TEX9: variants seen among roughly 807,000 people sequenced by gnomAD.
TEX9 encodes the protein testis-expressed protein 9.
In TEX9, 74 loss-of-function variants were observed where a neutral mutation model predicts 59.6. The ratio of observed to expected loss-of-function variants is 1.24; its 90% CI spans 1.03 to 1.51. The LOEUF (loss-of-function observed/expected upper bound fraction) is 1.51. Ranked by LOEUF, TEX9 falls within the 40% of genes most tolerant of loss-of-function variation. The probability of loss-of-function intolerance (pLI) is 0.00; values close to 1 mark genes in which losing one functional copy is unlikely to be tolerated. For synonymous variants in TEX9, 186 were observed against 152.2 expected (o/e 1.22, Z -1.64); for missense variants, 522 against 447.8 (o/e 1.17, Z -1.49).
At chr15:56,307,437 A>G (rs1407509608) in intron 1 of TEX9, among the ~76,000 whole-genome samples, 1 of 152,190 alleles carries the variant, frequency 6.6e-6, no homozygotes, top group African/African-American at 2.4e-5. Context: ...CACTGCCAGG[A>G]CTGACGAGAT....
intron 1 of TEX9, among the ~76,000 whole-genome samples, chr15:56,341,104 G>C (rs1409005366): frequency 6.6e-6 from 1 of 152,200 alleles, no homozygotes; most frequent in African/African-American, 2.4e-5. Flanking sequence ...CACTCTTAAA[G>C]AGTAGGTTCT....
In TEX9 at chr15:56,394,139, G is replaced by A. The variant is rs1404860567; in HGVS notation, c.572-26G>A. On this transcript the variant is annotated intron_variant, in intron 7 of 12. Transcript: ENST00000352903. Reference sequence around the variant, plus strand: ...GTCATCTTAGATTCAGCAAAAGACAGTAAATATAATTATTTAAATTCACAG... The same window carrying A: ...GTCATCTTAGATTCAGCAAAAGACAATAAATATAATTATTTAAATTCACAG... The A allele has an allele frequency of 2.5e-6, 4 of 1,585,074 alleles. No homozygotes were observed. The African/African-American group carries it at 4.1e-5, about 16-fold the overall frequency.
chr15:56,250,026 C>T (rs2043977447), intron 1 of TEX9, among the ~76,000 whole-genome samples: 1 of 152,086 alleles, frequency 6.6e-6, no homozygotes, highest in Non-Finnish European at 1.5e-5. Context: ...CTTTCAAACC[C>T]TACTGCAGTA....
intron 1 of TEX9, among the ~76,000 whole-genome samples, chr15:56,268,530 A>T (rs957112770): frequency 5.3e-5 from 8 of 152,214 alleles, no homozygotes; most frequent in Non-Finnish European, 1.5e-5. Context: ...CGTTTTTAGC[A>T]TGAAGAGCTG....
downstream of TEX9, chr15:56,447,722 T>A (rs566610908): frequency 9.8e-5 from 15 of 152,326 alleles, no homozygotes; most frequent in African/African-American, 3.1e-4. Flanking sequence ...TTTTTACATA[T>A]GTATGCACCT....
At chr15:56,417,149 C>A (rs1395529304) in intron 10 of TEX9, among the ~76,000 whole-genome samples, 4 of 151,826 alleles carry the variant, frequency 2.6e-5, no homozygotes, top group African/African-American at 7.3e-5. Flanking sequence ...AAAAAACCAG[C>A]TCCTGGATTC....
chr15:56,339,383 CAAAAAAA>C (rs71456382), intron 1 of TEX9, among the ~76,000 whole-genome samples: 26 of 30,768 alleles, frequency 8.5e-4, no homozygotes, highest in African/African-American at 2.3e-3. Context: ...ACTCCTTCTC[CAAAAAAA>C]AAAAAAAAAA....
intron 9 of TEX9, among the ~76,000 whole-genome samples, chr15:56,411,301 T>C (rs1465182679): frequency 1.3e-5 from 2 of 152,174 alleles, no homozygotes; most frequent in Non-Finnish European, 2.9e-5. Flanking sequence ...AGTTCTTTTC[T>C]TCAAGGAGCT....
chr15:56,270,167 TG>T (rs2044493947), intron 1 of TEX9, among the ~76,000 whole-genome samples: 1 of 152,176 alleles, frequency 6.6e-6, no homozygotes, highest in African/African-American at 2.4e-5. Flanking sequence ...TAGGTCTGCT[TG>T]GTGCAGAGCT....
intron 1 of TEX9, among the ~76,000 whole-genome samples, chr15:56,260,947 CT>C (rs2141344779): frequency 6.6e-6 from 1 of 151,502 alleles, no homozygotes; most frequent in African/African-American, 2.4e-5. Context: ...TTTAATTTTT[CT>C]TTTATCAGTT....
At chr15:56,288,324 C>G (rs2045001836) in intron 1 of TEX9, among the ~76,000 whole-genome samples, 1 of 151,446 alleles carries the variant, frequency 6.6e-6, no homozygotes, top group South Asian at 2.1e-4. Context: ...TTTTTTTTTA[C>G]TAATTAGTTT....
At chr15:56,325,355 C>G (rs1294171339) in intron 1 of TEX9, among the ~76,000 whole-genome samples, 1 of 152,124 alleles carries the variant, frequency 6.6e-6, no homozygotes, top group Non-Finnish European at 1.5e-5. Flanking sequence ...TTTTTGAAAA[C>G]AGAACACATG....
intron 2 of TEX9, among the ~76,000 whole-genome samples, chr15:56,372,408 C>A (rs1189310688): frequency 6.6e-6 from 1 of 151,856 alleles, no homozygotes; most frequent in African/African-American, 2.4e-5. Flanking sequence ...TTTTTAAAAT[C>A]CTTAACATGT....
intron 12 of TEX9, among the ~76,000 whole-genome samples, chr15:56,430,535 G>A (rs1334246593): frequency 6.6e-6 from 1 of 152,140 alleles, no homozygotes; most frequent in Non-Finnish European, 1.5e-5. Flanking sequence ...GTCACAGTGT[G>A]TCTCAGGTAT....
intron 1 of TEX9, among the ~76,000 whole-genome samples, chr15:56,339,378 T>G: frequency 1.1e-4 from 2 of 18,122 alleles, no homozygotes; most frequent in African/African-American, 2.5e-4. Flanking sequence ...GCAAGACTCC[T>G]TCTCCAAAAA....
chr15:56,297,608 G>T (rs935035934), intron 1 of TEX9, among the ~76,000 whole-genome samples: 5 of 152,156 alleles, frequency 3.3e-5, no homozygotes, highest in African/African-American at 4.8e-5. Context: ...TGGTTCAAGC[G>T]ATTCTCCTGC....
the TEX9 span, among the ~76,000 whole-genome samples, chr15:56,458,058 A>G: frequency 6.6e-6 from 1 of 152,236 alleles, no homozygotes; most frequent in Admixed American, 6.5e-5. Flanking sequence ...AAAGAATGCA[A>G]GCAAAACTTG....
At chr15:56,433,956 A>G (rs2050669095) in intron 12 of TEX9, among the ~76,000 whole-genome samples, 1 of 152,172 alleles carries the variant, frequency 6.6e-6, no homozygotes, top group South Asian at 2.1e-4. Context: ...AGTGTTTAGC[A>G]CATAGAAAGC....
chr15:56,373,600 G>A, intron 3 of TEX9, 96 bp downstream of exon 3: 1 of 979,438 alleles, frequency 1.0e-6, no homozygotes, highest in Non-Finnish European at 1.4e-6. Context: ...ACTAGCCAAA[G>A]CATGTGTGTT....
Sources: gnomAD v4.1 joint callset for allele counts (sites outside exome capture counted in the v4.1 genomes callset) on GRCh38, gnomAD v4.1.1 for gene constraint, MANE v1.5 for transcripts, NCBI Gene and HGNC (gene_info 2026-07-23, HGNC 2026-07-21) for gene names.